The following MVB12B variants were observed in gnomAD, a reference collection of about 807,000 sequenced individuals.
MVB12B encodes the protein multivesicular body subunit 12B, also known as ESCRT-I complex subunit MVB12B.
Under a neutral mutation model 41.6 loss-of-function variants are expected in MVB12B, and 16 were observed. That is an observed-to-expected ratio of 0.38 (90% confidence interval 0.26 to 0.58). MVB12B has a LOEUF of 0.58. MVB12B is among the 20% of genes least tolerant of loss of function. The pLI is 0.62. For synonymous variants in MVB12B, 133 were observed against 139.7 expected (o/e 0.95, Z 0.34); for missense variants, 274 against 380.2 (o/e 0.72, Z 2.32).
At chr9:126,465,623 A>C (rs1179604892) in intron 7 of MVB12B, among the ~76,000 whole-genome samples, 1 of 133,912 alleles carries the variant, frequency 7.5e-6, no homozygotes, top group South Asian at 2.5e-4. Flanking sequence ...GGGCGCAGCT[A>C]TCATGGAGCT....
intron 1 of MVB12B, among the ~76,000 whole-genome samples, chr9:126,328,310 T>A (rs1829038446): frequency 6.6e-6 from 1 of 152,146 alleles, no homozygotes. Flanking sequence ...GATTACTGGT[T>A]CATTTAAACC....
intron 6 of MVB12B, among the ~76,000 whole-genome samples, chr9:126,401,741 C>A (rs1248094455): frequency 6.6e-6 from 1 of 152,270 alleles, no homozygotes; most frequent in African/African-American, 2.4e-5. Context: ...GCGTGCCACG[C>A]TCCGTCCTGG....
chr9:126,455,350 G>A (rs1194435850), intron 7 of MVB12B, among the ~76,000 whole-genome samples: 2 of 151,826 alleles, frequency 1.3e-5, no homozygotes, highest in Non-Finnish European at 2.9e-5. Context: ...ACCACGCCCA[G>A]CTAATTTTTG....
At position 126,400,543 on chromosome 9, in the gene MVB12B, A is replaced by G. The variant is rs370212362; in HGVS notation, c.662+4846A>G. On this transcript the variant is annotated intron_variant, in intron 6 of 9. Coordinates refer to ENST00000361171, the MANE Select transcript of MVB12B (RefSeq NM_033446.3). ...TCCCTCTCCCCACCTACAGAAATTC[A>G]GGTTCGGCAGAACTACGTGTTAGGG... is the stretch of plus-strand genomic sequence containing the variant. Among the ~76,000 whole-genome samples the G allele has an allele frequency of 1.5e-4, 23 of 152,322 alleles. 1 individual carries two copies. The East Asian group carries it at 2.5e-3, about 17-fold the overall frequency.
chr9:126,472,460 G>T (rs1833333793), intron 7 of MVB12B, among the ~76,000 whole-genome samples: 1 of 110,502 alleles, frequency 9.0e-6, no homozygotes, highest in African/African-American at 3.4e-5. Flanking sequence ...AGGCATTCAG[G>T]TCAGCTGGCA....
chr9:126,489,348 G>A lies in MVB12B; in HGVS notation c.873+5316G>A, dbSNP rs570930568. 8.5e-5 allele frequency among the ~76,000 whole-genome samples: 13 copies of A among 152,350 alleles called. No individual in the cohort carries two copies. In the South Asian group the frequency reaches 1.7e-3, roughly 19 times the overall value. ...AGGCCTGCTCATCCCAGCCCAGCGTGCCACACAGCGCGGCAGTCAGGGCAC... is the reference window on the plus strand; with the variant it reads ...AGGCCTGCTCATCCCAGCCCAGCGTACCACACAGCGCGGCAGTCAGGGCAC... On this transcript the variant is annotated intron_variant, in intron 9 of 9. Coordinates refer to ENST00000361171, the MANE Select transcript of MVB12B (RefSeq NM_033446.3).
intron 7 of MVB12B, among the ~76,000 whole-genome samples, chr9:126,447,720 C>T (rs938044654): frequency 1.3e-5 from 2 of 152,138 alleles, no homozygotes; most frequent in Non-Finnish European, 2.9e-5. Flanking sequence ...GGTATGTATA[C>T]CCCCATATAG....
chr9:126,441,910 A>G (rs1832650626), intron 7 of MVB12B, among the ~76,000 whole-genome samples: 1 of 152,246 alleles, frequency 6.6e-6, no homozygotes, highest in African/African-American at 2.4e-5. Context: ...TATTATGCAG[A>G]ATAACTAAAT....
intron 9 of MVB12B, among the ~76,000 whole-genome samples, chr9:126,500,804 C>A (rs577458283): frequency 6.6e-6 from 1 of 152,244 alleles, no homozygotes; most frequent in Non-Finnish European, 1.5e-5. Context: ...TGCCCTTCCC[C>A]AGTCAGGCCC....
rs956768960 is a variant in MVB12B, at chr9:126,480,565, A to G, written c.758-804A>G. On this transcript the variant is annotated intron_variant, in intron 7 of 9. Transcript: ENST00000361171. This position sits in a 1 kb window ranked among gnomAD's most constrained non-coding sequence, Gnocchi z 4.9. ...GAGGGGTGGCCACAGAAAAGGAACC[A>G]GGCCCCTGGTTTCTCCATCGTTGCG... Among the ~76,000 whole-genome samples the G allele has an allele frequency of 1.3e-5, 2 of 152,214 alleles. No individual in the cohort carries two copies. Among genetic ancestry groups the G allele is most frequent in the Non-Finnish European group, 2.9e-5 (2 of 68,034 alleles).
intron 9 of MVB12B, among the ~76,000 whole-genome samples, chr9:126,501,924 G>A (rs921014893): frequency 6.6e-6 from 1 of 151,996 alleles, no homozygotes; most frequent in Non-Finnish European, 1.5e-5. Context: ...GCAGTGCTCC[G>A]CCTCCTGCTG....
At chr9:126,354,748 G>A (rs914327227) in intron 2 of MVB12B, among the ~76,000 whole-genome samples, 4 of 152,132 alleles carry the variant, frequency 2.6e-5, no homozygotes, top group Non-Finnish European at 5.9e-5. Context: ...ACATAGTAAT[G>A]TTAACATTTT....
chr9:126,327,082 C>A, intron 1 of MVB12B, 72 bp downstream of exon 1: 1 of 181,088 alleles, frequency 5.5e-6, no homozygotes, highest in Non-Finnish European at 1.0e-5. Flanking sequence ...GGCGGGCGGG[C>A]GCGGGCCCCC....
At chr9:126,424,469 C>T (rs1050329993) in intron 7 of MVB12B, among the ~76,000 whole-genome samples, 1 of 152,142 alleles carries the variant, frequency 6.6e-6, no homozygotes, top group African/African-American at 2.4e-5. Context: ...CACAGGAGTA[C>T]CCTCCCAAAA....
chr9:126,416,674 A>G (rs900273201), intron 6 of MVB12B, among the ~76,000 whole-genome samples: 1 of 152,146 alleles, frequency 6.6e-6, no homozygotes, highest in African/African-American at 2.4e-5. Flanking sequence ...TGACCTCTTC[A>G]TTAATACCTA....
intron 2 of MVB12B, among the ~76,000 whole-genome samples, chr9:126,343,084 TA>T (rs1485900563): frequency 1.3e-5 from 2 of 152,168 alleles, no homozygotes; most frequent in Admixed American, 1.3e-4. Flanking sequence ...CTGCTTGAGG[TA>T]AAAGGTGCCA....
At chr9:126,408,405 G>T (rs890036424) in intron 6 of MVB12B, 1 of 140,042 alleles carries the variant, frequency 7.1e-6, no homozygotes, top group Admixed American at 7.3e-5. Flanking sequence ...GATGCCATTC[G>T]CTCCCCCCAC....
intron 9 of MVB12B, among the ~76,000 whole-genome samples, chr9:126,497,968 C>G (rs1317224748): frequency 2.0e-5 from 3 of 152,214 alleles, no homozygotes; most frequent in African/African-American, 7.2e-5. Context: ...GCGGCCCACC[C>G]TCGTCTCGCA....
chr9:126,342,542 C>T (rs2118829649), intron 2 of MVB12B, among the ~76,000 whole-genome samples: 1 of 152,254 alleles, frequency 6.6e-6, no homozygotes, highest in South Asian at 2.1e-4. Flanking sequence ...CTGTGCCATG[C>T]ATTTTAGTGG....
Sources: allele counts gnomAD v4.1 joint callset (sites outside exome capture counted in the v4.1 genomes callset), GRCh38; gene constraint gnomAD v4.1.1; non-coding constraint Gnocchi (gnomAD v3.1); transcripts MANE v1.5; gene names NCBI Gene and HGNC (gene_info 2026-07-23, HGNC 2026-07-21).